RRP15: variants seen among roughly 807,000 people sequenced by gnomAD.
The protein encoded by RRP15 is ribosomal RNA processing 15 homolog, also known as RRP15-like protein.
Under a neutral mutation model 27.1 loss-of-function variants are expected in RRP15, and 18 were observed. That is an observed-to-expected ratio of 0.66 (90% CI 0.46 to 0.98). The LOEUF is 0.98. RRP15 is among the 50% of genes least tolerant of loss of function. RRP15 has a pLI of 0.00. For missense variants in RRP15, 359 were observed against 337.8 expected, an observed-to-expected ratio of 1.06 and a Z score of -0.49; for synonymous variants, 107 against 109.4, an observed-to-expected ratio of 0.98 and a Z score of 0.14.
intron 4 of RRP15, among the ~76,000 whole-genome samples, chr1:218,330,005 TG>T (rs1558213586): frequency 1.3e-5 from 2 of 152,138 alleles, no homozygotes; most frequent in Non-Finnish European, 2.9e-5. Flanking sequence ...TCTAACCAAA[TG>T]TCATGGGTTC....
chr1:218,307,289 C>T (rs1655913507), intron 3 of RRP15, 142 bp from the exon 4 acceptor site: 1 of 608,012 alleles, frequency 1.6e-6, no homozygotes, highest in South Asian at 2.4e-5. Context: ...TGTATTTAAC[C>T]ACTTATCCCG....
intron 4 of RRP15, among the ~76,000 whole-genome samples, chr1:218,319,700 T>G (rs1656156204): frequency 6.6e-6 from 1 of 152,222 alleles, no homozygotes. Context: ...TAGATGCAGC[T>G]TTGTTTTGTT....
chr1:218,326,220 C>T lies in RRP15; in HGVS notation c.706-4728C>T, dbSNP rs796910682. ...ACTCGGGAGGCTGAGGCAGGATAAT[C>T]GGTTGAACCCAAGAGGTGGAGGTTG... On this transcript the variant is annotated intron_variant, in intron 4 of 4. Transcript: ENST00000366932. Among the ~76,000 whole-genome samples the T allele has an allele frequency of 2.0e-5, 3 of 152,148 alleles. No individual in the cohort carries two copies. In the South Asian group the frequency reaches 6.2e-4, roughly 32 times the overall value.
chr1:218,287,145 T>C (rs1655561134), intron 1 of RRP15, among the ~76,000 whole-genome samples: 2 of 148,018 alleles, frequency 1.4e-5, no homozygotes, highest in Non-Finnish European at 3.0e-5. Flanking sequence ...TTTTTTTCTT[T>C]TTTTTTTTTT....
chr1:218,287,322 G>T (rs772451999), intron 1 of RRP15, among the ~76,000 whole-genome samples: 14 of 151,878 alleles, frequency 9.2e-5, no homozygotes, highest in Non-Finnish European at 1.8e-4. Flanking sequence ...ATTCCAAGTT[G>T]GAACTGTTCT....
chr1:218,330,961 C>G lies in RRP15; in HGVS notation c.719C>G (p.Ser240Ter). 6.2e-7 allele frequency: 1 copy of G among 1,610,918 alleles called. No individual in the cohort carries two copies. Among genetic ancestry groups the G allele is most frequent in the Non-Finnish European group, 8.5e-7 (1 of 1,178,032 alleles). Residue 240 changes from serine to a stop codon, truncating the protein, a stop_gained, in exon 5 of 5, where the codon TCA becomes TGA. Coordinates refer to ENST00000366932, the MANE Select transcript of RRP15 (RefSeq NM_016052.4). LOFTEE classifies it high-confidence loss of function. ...AATTTTCCTTAGACTGAAGTGAAATCAGAAGAAGGCCCAGGTTGGACGATC... is the reference window on the plus strand; with the variant it reads ...AATTTTCCTTAGACTGAAGTGAAATGAGAAGAAGGCCCAGGTTGGACGATC... The part of the protein sequence containing the change: ...KPKAKQTEVK[S>*]EEGPGWTILR...
At chr1:218,316,825 A>G (rs143763783) in intron 4 of RRP15, among the ~76,000 whole-genome samples, 241 of 152,316 alleles carry the variant, frequency 1.6e-3, no homozygotes, top group African/African-American at 5.6e-3. Context: ...TTGGAAACCA[A>G]TTTGAAGGGG....
At chr1:218,293,617 C>T (rs1003720640) in intron 1 of RRP15, among the ~76,000 whole-genome samples, 10 of 152,138 alleles carry the variant, frequency 6.6e-5, no homozygotes, top group African/African-American at 1.4e-4. Context: ...TTTAGTAAGA[C>T]GCTACTTGAG....
At chr1:218,325,242 G>A (rs1213470589) in intron 4 of RRP15, among the ~76,000 whole-genome samples, 1 of 152,228 alleles carries the variant, frequency 6.6e-6, no homozygotes, top group African/African-American at 2.4e-5. Flanking sequence ...CTTCATGCGT[G>A]ATGTGTAGTT....
At chr1:218,313,279 C>T (rs568181615) in intron 4 of RRP15, among the ~76,000 whole-genome samples, 3 of 152,058 alleles carry the variant, frequency 2.0e-5, no homozygotes, top group African/African-American at 4.8e-5. Context: ...GGGGAGAGAA[C>T]GTGAACTAAG....
chr1:218,312,970 A>G (rs554648185), intron 4 of RRP15, among the ~76,000 whole-genome samples: 4 of 152,208 alleles, frequency 2.6e-5, no homozygotes, highest in Non-Finnish European at 4.4e-5. Flanking sequence ...GAAGTGTCCT[A>G]TCTTGAGGAA....
intron 1 of RRP15, among the ~76,000 whole-genome samples, chr1:218,300,467 G>A (rs769302511): frequency 3.4e-4 from 52 of 152,076 alleles, no homozygotes; most frequent in Non-Finnish European, 5.9e-4. Context: ...AAAAATAAAG[G>A]TATTACGCAA....
intron 4 of RRP15, among the ~76,000 whole-genome samples, chr1:218,308,857 T>G (rs777829398): frequency 1.3e-5 from 2 of 152,242 alleles, no homozygotes; most frequent in Non-Finnish European, 2.9e-5. Context: ...TAGGCTGTAT[T>G]CTCGCTAGTA....
intron 4 of RRP15, among the ~76,000 whole-genome samples, chr1:218,329,237 C>CAAAAAAAAAAAAAA (rs1164512474): frequency 3.7e-5 from 2 of 53,552 alleles, no homozygotes; most frequent in African/African-American, 6.5e-5. Context: ...CCTGTCTCTA[C>CAAAAAAAAAAAAAA]AAAAAAAAAA....
chr1:218,287,597 A>G (rs1655570638), intron 1 of RRP15, among the ~76,000 whole-genome samples: 1 of 152,210 alleles, frequency 6.6e-6, no homozygotes, highest in African/African-American at 2.4e-5. Flanking sequence ...GTGTATTAGT[A>G]TAATTAAAAG....
At chr1:218,329,377 G>A (rs145233710) in intron 4 of RRP15, among the ~76,000 whole-genome samples, 5,622 of 151,436 alleles carry the variant, frequency 0.037, 156 homozygotes, top group Middle Eastern at 0.062. Flanking sequence ...CCATGATAAC[G>A]CCACTGCACT....
Position 218,293,028 on chromosome 1 carries a change from A to AT in RRP15, c.139+7586dup, listed in dbSNP as rs1271507234. On this transcript the variant is annotated intron_variant, in intron 1 of 4. Coordinates refer to ENST00000366932, the MANE Select transcript of RRP15 (RefSeq NM_016052.4). Reference sequence around the variant, plus strand: ...TATTATTTTAAAACTTTTTTTTCTTATTTTTTTTTTTTTGAGACAGGGTCT... The same window carrying AT: ...TATTATTTTAAAACTTTTTTTTCTTATTTTTTTTTTTTTTGAGACAGGGTCT... Among the ~76,000 whole-genome samples, 528 of 141,864 alleles carry AT rather than the reference A, an allele frequency of 3.7e-3. 3 individuals are homozygous for AT. Among genetic ancestry groups the AT allele is most frequent in the East Asian group, 0.023 (114 of 4,928 alleles). 93.1% of individuals were successfully genotyped at this position (141,864 alleles called of 152,430 possible).
At position 218,330,990 on chromosome 1, in the gene RRP15, C is replaced by A; in HGVS notation, c.748C>A (p.Arg250Ser). ...AGAAGGCCCAGGTTGGACGATCCTACGTGATGATTTCATGATGGGAGCATC... is the reference window on the plus strand; with the variant it reads ...AGAAGGCCCAGGTTGGACGATCCTAAGTGATGATTTCATGATGGGAGCATC... ...SEEGPGWTILRDDFMMGASMK... is the reference protein window; with the variant it reads ...SEEGPGWTILSDDFMMGASMK... The change falls in exon 5 of 5, where the codon CGT becomes AGT. Residue 250 changes from arginine (R) to serine (S), a missense_variant. By Grantham distance (110) the Arg-to-Ser change is moderately radical (BLOSUM62 -1). Transcript: ENST00000366932. 6.2e-7 allele frequency: 1 copy of A among 1,613,504 alleles called. No homozygotes were observed. The highest frequency in any genetic ancestry group is 1.1e-5 in the South Asian group (1 of 91,052).
intron 1 of RRP15, among the ~76,000 whole-genome samples, chr1:218,301,015 C>A (rs1655802018): frequency 6.6e-6 from 1 of 152,054 alleles, no homozygotes; most frequent in Non-Finnish European, 1.5e-5. Flanking sequence ...GCAAGTATAT[C>A]AATATTTAAA....
Sources: gnomAD v4.1 joint callset for allele counts (sites outside exome capture counted in the v4.1 genomes callset) on GRCh38, gnomAD v4.1.1 for gene constraint, MANE v1.5 for transcripts, NCBI Gene and HGNC (gene_info 2026-07-23, HGNC 2026-07-21) for gene names.